Variants in PRKN observed in about 807,000 individuals in gnomAD.
PRKN encodes the protein parkin RBR E3 ubiquitin protein ligase.
In PRKN, 56 loss-of-function variants were observed where a neutral mutation model predicts 59.5. That is an observed-to-expected ratio of 0.94 (90% CI 0.76 to 1.18). PRKN has a LOEUF of 1.18. Among genes scored for constraint, PRKN ranks in the 50% most tolerant of loss-of-function variants. The pLI, the probability that PRKN is intolerant of heterozygous loss-of-function variation, is 0.00. For missense variants in PRKN, 657 were observed against 596.4 expected (o/e 1.10, Z -1.06); for synonymous variants, 250 against 222.1 (o/e 1.13, Z -1.12).
At chr6:161,570,196 G>A (rs977450585) in intron 7 of PRKN, among the ~76,000 whole-genome samples, 5 of 123,178 alleles carry the variant, frequency 4.1e-5, no homozygotes, top group African/African-American at 9.6e-5. Flanking sequence ...ATTAAAATAC[G>A]TATGTATAAA....
intron 2 of PRKN, among the ~76,000 whole-genome samples, chr6:162,413,115 G>A (rs1233057188): frequency 6.6e-6 from 1 of 152,146 alleles, no homozygotes; most frequent in Non-Finnish European, 1.5e-5. Context: ...TGCAGTAATA[G>A]GTAAGACCAG....
At chr6:162,513,719 C>T (rs1393946474) in intron 1 of PRKN, among the ~76,000 whole-genome samples, 1 of 152,068 alleles carries the variant, frequency 6.6e-6, no homozygotes, top group Admixed American at 6.5e-5. Flanking sequence ...CAAATGTTGA[C>T]AATTTTAGGC....
At chr6:162,493,958 C>T (rs1308461955) in intron 1 of PRKN, among the ~76,000 whole-genome samples, 1 of 152,206 alleles carries the variant, frequency 6.6e-6, no homozygotes, top group Non-Finnish European at 1.5e-5. Flanking sequence ...CCTCTTCCCA[C>T]TCTGCAATGT....
intron 7 of PRKN, among the ~76,000 whole-genome samples, chr6:161,666,009 A>G (rs1309126975): frequency 1.3e-5 from 2 of 152,150 alleles, no homozygotes; most frequent in Non-Finnish European, 2.9e-5. Flanking sequence ...GGAGCTGAGA[A>G]GACTGCATCG....
intron 9 of PRKN, among the ~76,000 whole-genome samples, chr6:161,536,168 T>G (rs903669010): frequency 6.6e-6 from 1 of 152,108 alleles, no homozygotes; most frequent in African/African-American, 2.4e-5. Flanking sequence ...AGATTTTGAT[T>G]GGAGAAACAG....
rs1263100913 is a variant in PRKN, at chr6:161,473,607, G to A, written c.1083+75247C>T. ...ATTGTGGCAGAAAATGGGGAGATAT[G>A]GGTCAAAGCATACAAAGTTACAGGT... On this transcript the variant is annotated intron_variant, in intron 9 of 11. Transcript: ENST00000366898. This position sits in a 1 kb window ranked among gnomAD's most constrained non-coding sequence, Gnocchi z 4.1. Among the ~76,000 whole-genome samples, 2 of 151,692 alleles carry A rather than the reference G, an allele frequency of 1.3e-5. No homozygotes were observed. Among genetic ancestry groups the A allele is most frequent in the Non-Finnish European group, 2.9e-5 (2 of 67,954 alleles).
chr6:161,381,930 G>A (rs1249724396), intron 10 of PRKN, among the ~76,000 whole-genome samples: 1 of 151,906 alleles, frequency 6.6e-6, no homozygotes, highest in East Asian at 1.9e-4. Context: ...GGCTAACACA[G>A]TGAAACCCCG....
At chr6:162,114,454 G>T (rs1412142430) in intron 4 of PRKN, among the ~76,000 whole-genome samples, 1 of 151,534 alleles carries the variant, frequency 6.6e-6, no homozygotes, top group East Asian at 1.9e-4. Flanking sequence ...TGGATTCCTA[G>T]GTATTTTATT....
intron 1 of PRKN, among the ~76,000 whole-genome samples, chr6:162,617,807 C>T (rs1354346802): frequency 2.0e-5 from 3 of 151,870 alleles, no homozygotes; most frequent in Non-Finnish European, 2.9e-5. Flanking sequence ...ATAGTAATAA[C>T]TAACAAGTAA....
chr6:162,685,014 A>G (rs1427671382), intron 1 of PRKN, among the ~76,000 whole-genome samples: 1 of 152,206 alleles, frequency 6.6e-6, no homozygotes, highest in Non-Finnish European at 1.5e-5. Flanking sequence ...TATATATTGC[A>G]TCTACTGTAT....
At chr6:162,347,456 G>A (rs965545395) in intron 2 of PRKN, among the ~76,000 whole-genome samples, 1 of 151,816 alleles carries the variant, frequency 6.6e-6, no homozygotes, top group Non-Finnish European at 1.5e-5. Flanking sequence ...GGTTGACCTA[G>A]TTAAGTTTTC....
At chr6:161,570,124 T>TAAAAAAAAAA (rs55699586) in intron 7 of PRKN, among the ~76,000 whole-genome samples, 2 of 51,422 alleles carry the variant, frequency 3.9e-5, no homozygotes, top group Non-Finnish European at 6.8e-5. Flanking sequence ...AGTAAATAGG[T>TAAAAAAAAAA]AAAAAAAAAA....
intron 6 of PRKN, among the ~76,000 whole-genome samples, chr6:161,879,772 T>C (rs1296200171): frequency 6.6e-6 from 1 of 152,194 alleles, no homozygotes; most frequent in Admixed American, 6.5e-5. Context: ...TTATAGAGTC[T>C]TTTTCATTTT....
At chr6:162,415,456 T>C (rs1325758133) in intron 2 of PRKN, among the ~76,000 whole-genome samples, 1 of 152,156 alleles carries the variant, frequency 6.6e-6, no homozygotes, top group Non-Finnish European at 1.5e-5. Flanking sequence ...TCTAAATATC[T>C]TTATGGTGAA....
intron 1 of PRKN, among the ~76,000 whole-genome samples, chr6:162,674,970 A>C (rs1779478888): frequency 6.6e-6 from 1 of 152,172 alleles, no homozygotes; most frequent in Non-Finnish European, 1.5e-5. Flanking sequence ...GACAAAATTA[A>C]TTAAGGATGG....
At chr6:162,684,690 T>C (rs1779901197) in intron 1 of PRKN, among the ~76,000 whole-genome samples, 1 of 152,108 alleles carries the variant, frequency 6.6e-6, no homozygotes, top group African/African-American at 2.4e-5. Flanking sequence ...TGGTACAAGT[T>C]AGGACACAAG....
chr6:162,368,275 C>T (rs1785559760), intron 2 of PRKN, among the ~76,000 whole-genome samples: 1 of 152,082 alleles, frequency 6.6e-6, no homozygotes, highest in Non-Finnish European at 1.5e-5. Context: ...AACCGGGCTT[C>T]TTATGACTCT....
chr6:161,826,612 T>A (rs1334320148), intron 6 of PRKN, among the ~76,000 whole-genome samples: 1 of 152,214 alleles, frequency 6.6e-6, no homozygotes, highest in Non-Finnish European at 1.5e-5. Context: ...AGGACAAGCT[T>A]CCTTGTTCCA....
At position 161,529,385 on chromosome 6, in the gene PRKN, A is replaced by G. The variant is rs1199628809; in HGVS notation, c.1083+19469T>C. 6.6e-6 allele frequency among the ~76,000 whole-genome samples: 1 copy of G among 152,222 alleles called. No individual in the cohort carries two copies. Among genetic ancestry groups the G allele is most frequent in the Non-Finnish European group, 1.5e-5 (1 of 68,040 alleles). Reference sequence around the variant, plus strand: ...AGTGAGGCGAGTCACACATTAGCCCATCTGCTCTGGTAATGTCAATACCAG... The same window carrying G: ...AGTGAGGCGAGTCACACATTAGCCCGTCTGCTCTGGTAATGTCAATACCAG... On this transcript the variant is annotated intron_variant, in intron 9 of 11. Transcript: ENST00000366898. This position sits in a 1 kb window ranked among gnomAD's most constrained non-coding sequence, Gnocchi z 4.4.
Sources: gnomAD v4.1 joint callset for allele counts (sites outside exome capture counted in the v4.1 genomes callset) on GRCh38, gnomAD v4.1.1 for gene constraint, Gnocchi (gnomAD v3.1) non-coding constraint, MANE v1.5 for transcripts, NCBI Gene and HGNC (gene_info 2026-07-23, HGNC 2026-07-21) for gene names.